TMEM132D: variants seen among roughly 807,000 people sequenced by gnomAD.
TMEM132D encodes the protein transmembrane protein 132D.
Under a neutral mutation model 62.3 loss-of-function variants are expected in TMEM132D, and 21 were observed. The ratio of observed to expected loss-of-function variants is 0.34; its 90% CI spans 0.24 to 0.49. TMEM132D has a LOEUF of 0.49. Ranked by LOEUF, TMEM132D falls within the 20% of genes least tolerant of loss-of-function variation. The pLI is 0.99. For synonymous variants in TMEM132D, 621 were observed against 575.6 expected, an observed-to-expected ratio of 1.08 and a Z score of -1.13; for missense variants, 1,346 against 1,402.8, an observed-to-expected ratio of 0.96 and a Z score of 0.65.
intron 4 of TMEM132D, among the ~76,000 whole-genome samples, chr12:129,308,608 G>C (rs1262368017): frequency 6.6e-6 from 1 of 152,082 alleles, no homozygotes. Flanking sequence ...ATCATAAATT[G>C]AATATAGAGG....
intron 1 of TMEM132D, among the ~76,000 whole-genome samples, chr12:129,752,780 G>T (rs975465504): frequency 3.9e-5 from 6 of 152,216 alleles, no homozygotes; most frequent in Non-Finnish European, 8.8e-5. Flanking sequence ...TGTCACAGTT[G>T]TGATACATAA....
At chr12:129,358,165 A>C (rs995433589) in intron 3 of TMEM132D, among the ~76,000 whole-genome samples, 2 of 152,116 alleles carry the variant, frequency 1.3e-5, no homozygotes, top group Non-Finnish European at 2.9e-5. Flanking sequence ...GTCATTCTGG[A>C]AAAAAACAAC....
intron 4 of TMEM132D, among the ~76,000 whole-genome samples, chr12:129,247,818 T>G (rs553480987): frequency 6.6e-6 from 1 of 150,400 alleles, no homozygotes; most frequent in Non-Finnish European, 1.5e-5. Context: ...TCTGGCTGGA[T>G]AGAAAAGCAT....
intron 2 of TMEM132D, among the ~76,000 whole-genome samples, chr12:129,627,606 C>A (rs187078912): frequency 1.5e-3 from 223 of 152,148 alleles, no homozygotes; most frequent in Middle Eastern, 6.8e-3. Context: ...CATATACACA[C>A]AATATATACA....
intron 6 of TMEM132D, 144 bp downstream of exon 6, chr12:129,084,353 A>G: frequency 1.3e-6 from 1 of 783,394 alleles, no homozygotes; most frequent in Admixed American, 3.4e-5. Flanking sequence ...GAATGAAGCC[A>G]ACACAGAGCA....
chr12:129,372,790 T>C (rs1870654893), intron 3 of TMEM132D, among the ~76,000 whole-genome samples: 1 of 152,004 alleles, frequency 6.6e-6, no homozygotes, highest in African/African-American at 2.4e-5. Context: ...CCACAGATTC[T>C]ATATTATGGT....
intron 1 of TMEM132D, among the ~76,000 whole-genome samples, chr12:129,763,926 C>A (rs2398490): frequency 6.6e-6 from 1 of 152,134 alleles, no homozygotes; most frequent in Admixed American, 6.5e-5. Flanking sequence ...GCAGTAGGAA[C>A]TTTAGAACCA....
chr12:129,494,822 CCTCT>C (rs1010065042), intron 3 of TMEM132D, among the ~76,000 whole-genome samples: 31 of 152,192 alleles, frequency 2.0e-4, no homozygotes, highest in African/African-American at 6.7e-4. Flanking sequence ...TCTTTTCCTG[CCTCT>C]CTCTCTCCCT....
rs550972762 is a variant in TMEM132D, at chr12:129,605,767, C to T, written c.969-74562G>A. ...TTGTAAATTAATAAACTGGCAATGG[C>T]GTTTCTCATACATCATTTTTTTCAT... On this transcript the variant is annotated intron_variant, in intron 2 of 8. Coordinates refer to ENST00000422113, the MANE Select transcript of TMEM132D (RefSeq NM_133448.3). Among the ~76,000 whole-genome samples the T allele has an allele frequency of 8.6e-4, 131 of 151,754 alleles. No homozygotes were observed. The South Asian group carries it at 0.01, about 12-fold the overall frequency.
chr12:129,481,024 A>C (rs1218393033), intron 3 of TMEM132D, among the ~76,000 whole-genome samples: 1 of 152,082 alleles, frequency 6.6e-6, no homozygotes, highest in African/African-American at 2.4e-5. Context: ...AACTAACCTG[A>C]AATGCACACA....
At chr12:129,369,102 C>T (rs1487841221) in intron 3 of TMEM132D, among the ~76,000 whole-genome samples, 2 of 152,130 alleles carry the variant, frequency 1.3e-5, no homozygotes. Context: ...AAACAAATCC[C>T]AAAGTTTAAA....
intron 1 of TMEM132D, among the ~76,000 whole-genome samples, chr12:129,828,685 AAGGAAGGG>A (rs147899605): frequency 0.23 from 6,480 of 27,784 alleles, 1,349 homozygotes; most frequent in Middle Eastern, 0.42. Flanking sequence ...AGAAGGGAGG[AAGGAAGGG>A]AGGGAGGGAG....
At chr12:129,286,714 A>C (rs1352505763) in intron 4 of TMEM132D, among the ~76,000 whole-genome samples, 2 of 152,174 alleles carry the variant, frequency 1.3e-5, no homozygotes, top group African/African-American at 2.4e-5. Flanking sequence ...GTGTGATCTT[A>C]GCATCTAGAC....
At chr12:129,754,872 CTTGTG>C (rs1870115073) in intron 1 of TMEM132D, among the ~76,000 whole-genome samples, 1 of 152,114 alleles carries the variant, frequency 6.6e-6, no homozygotes, top group Non-Finnish European at 1.5e-5. Context: ...CTGGAGGCAT[CTTGTG>C]TTATCTTTAG....
chr12:129,348,543 C>G (rs1284013614), intron 3 of TMEM132D, among the ~76,000 whole-genome samples: 1 of 152,008 alleles, frequency 6.6e-6, no homozygotes, highest in East Asian at 1.9e-4. Flanking sequence ...CATCACCCAC[C>G]AGGGCCTGTC....
chr12:129,739,038 A>C (rs558816765), intron 1 of TMEM132D, among the ~76,000 whole-genome samples: 2 of 152,280 alleles, frequency 1.3e-5, no homozygotes, highest in South Asian at 4.1e-4. Flanking sequence ...CCTCTTAAGA[A>C]GACGACAAAA....
At chr12:129,288,040 G>A (rs926454784) in intron 4 of TMEM132D, among the ~76,000 whole-genome samples, 3 of 152,156 alleles carry the variant, frequency 2.0e-5, no homozygotes, top group Admixed American at 6.5e-5. Context: ...GTCCTCTGTG[G>A]TTCCATGTAA....
intron 1 of TMEM132D, among the ~76,000 whole-genome samples, chr12:129,736,975 C>T (rs1013937139): frequency 5.9e-5 from 9 of 152,108 alleles, no homozygotes; most frequent in Non-Finnish European, 7.4e-5. Flanking sequence ...GTGCCACCAA[C>T]GCCAGCCTAT....
At chr12:129,724,712 G>A (rs753866176) in intron 1 of TMEM132D, among the ~76,000 whole-genome samples, 1 of 151,782 alleles carries the variant, frequency 6.6e-6, no homozygotes, top group Non-Finnish European at 1.5e-5. Context: ...TAGTAGAGAC[G>A]GGGTTTTGCC....
Sources: allele counts gnomAD v4.1 joint callset (sites outside exome capture counted in the v4.1 genomes callset), GRCh38; gene constraint gnomAD v4.1.1; transcripts MANE v1.5; gene names NCBI Gene and HGNC (gene_info 2026-07-23, HGNC 2026-07-21).